Variants in FUT8 observed in about 807,000 individuals in gnomAD.
FUT8 encodes alpha-(1,6)-fucosyltransferase.
In FUT8, 29 loss-of-function variants were observed where a neutral mutation model predicts 71.3. The observed-to-expected ratio is 0.41, with a 90% CI of 0.30 to 0.55. The LOEUF (loss-of-function observed/expected upper bound fraction) is 0.55, where lower values mean the gene tolerates loss of function less well. Among genes scored for constraint, FUT8 ranks in the 20% least tolerant of loss-of-function variants. The probability of loss-of-function intolerance (pLI) is 0.34; values close to 1 mark genes in which losing one functional copy is unlikely to be tolerated. For missense variants in FUT8, 544 were observed against 702.1 expected (o/e 0.77, Z 2.55); for synonymous variants, 254 against 239.3 (o/e 1.06, Z -0.57).
chr14:65,567,598 A>G (rs1008939715), intron 3 of FUT8, among the ~76,000 whole-genome samples: 9 of 151,946 alleles, frequency 5.9e-5, no homozygotes, highest in African/African-American at 2.2e-4. Context: ...TGTGTACAGC[A>G]CCTGCCATCT....
chr14:65,633,165 C>T (rs1285881215), intron 6 of FUT8, among the ~76,000 whole-genome samples: 16 of 152,072 alleles, frequency 1.1e-4, no homozygotes, highest in East Asian at 9.7e-4. Context: ...ATTGCAGGCG[C>T]GCGCCGCCAC....
chr14:65,574,342 A>G lies in FUT8; in HGVS notation c.203+12576A>G, dbSNP rs533805426. ...TTGATTAGAGCAAATCACAGGTCCC[A>G]TTTACACTTGGGGAGGCGATTTTCC... On this transcript the variant is annotated intron_variant, in intron 3 of 10. Coordinates refer to ENST00000673929, the MANE Select transcript of FUT8 (RefSeq NM_001371533.1). This position sits in a 1 kb window ranked among gnomAD's most constrained non-coding sequence, Gnocchi z 5.2. Among the ~76,000 whole-genome samples, 11 of 152,282 alleles carry G rather than the reference A, an allele frequency of 7.2e-5. No homozygotes were observed. The highest frequency in any genetic ancestry group is 7.2e-4 in the Admixed American group (11 of 15,290).
the FUT8 span, among the ~76,000 whole-genome samples, chr14:65,404,619 C>T: frequency 6.6e-6 from 1 of 152,132 alleles, no homozygotes; most frequent in Admixed American, 6.5e-5. Context: ...GGATTACAGG[C>T]ATGTGCCACC....
the FUT8 span, among the ~76,000 whole-genome samples, chr14:65,380,649 AG>A: frequency 6.6e-6 from 1 of 152,146 alleles, no homozygotes; most frequent in Non-Finnish European, 1.5e-5. Context: ...TCCCACTTGA[AG>A]GGTCATCCCT....
Position 65,605,967 on chromosome 14 carries a change from A to C in FUT8, c.204-10011A>C, listed in dbSNP as rs925250771. On this transcript the variant is annotated intron_variant, in intron 3 of 10. Coordinates refer to ENST00000673929, the MANE Select transcript of FUT8 (RefSeq NM_001371533.1). ...TGCCTTTTTCTTACAGATTTGAAGGAGTTCTTTATAAAATCTATATAATAA... is the reference window on the plus strand; with the variant it reads ...TGCCTTTTTCTTACAGATTTGAAGGCGTTCTTTATAAAATCTATATAATAA... 2.0e-5 allele frequency among the ~76,000 whole-genome samples: 3 copies of C among 151,556 alleles called. 1 individual carries two copies. Among genetic ancestry groups the C allele is most frequent in the Admixed American group, 6.6e-5 (1 of 15,178 alleles).
At chr14:65,365,287 AAG>A in the FUT8 span, among the ~76,000 whole-genome samples, 389 of 151,124 alleles carry the variant, frequency 2.6e-3, no homozygotes, top group African/African-American at 8.8e-3. Context: ...CTAAAGAGCA[AAG>A]AGGGGCATGA....
At chr14:65,556,178 C>T (rs969779935) in intron 2 of FUT8, among the ~76,000 whole-genome samples, 1 of 152,036 alleles carries the variant, frequency 6.6e-6, no homozygotes, top group East Asian at 1.9e-4. Flanking sequence ...TTTAAAGCAA[C>T]AATTTATTAT....
chr14:65,438,204 T>G (rs2065590087), intron 1 of FUT8, among the ~76,000 whole-genome samples: 1 of 152,186 alleles, frequency 6.6e-6, no homozygotes, highest in Non-Finnish European at 1.5e-5. Context: ...AAGGAAAGTT[T>G]ACATTCACAT....
At chr14:65,600,557 TG>T (rs1888240133) in intron 3 of FUT8, among the ~76,000 whole-genome samples, 14 of 152,146 alleles carry the variant, frequency 9.2e-5, no homozygotes, top group Admixed American at 9.2e-4. Context: ...TAAGAGATGA[TG>T]ATGTCTCCAT....
At chr14:65,593,979 G>A (rs61987988) in intron 3 of FUT8, among the ~76,000 whole-genome samples, 8,879 of 152,310 alleles carry the variant, frequency 0.058, 310 homozygotes, top group Admixed American at 0.11. Context: ...CAAAGTGCTG[G>A]GATTACAGGC....
intron 7 of FUT8, among the ~76,000 whole-genome samples, chr14:65,673,654 T>C (rs1566888351): frequency 6.6e-6 from 1 of 152,210 alleles, no homozygotes; most frequent in South Asian, 2.1e-4. Context: ...TAGTAATTCA[T>C]TGTAAAGCTT....
intron 2 of FUT8, among the ~76,000 whole-genome samples, chr14:65,464,567 A>G (rs1384477095): frequency 6.6e-6 from 1 of 152,090 alleles, no homozygotes; most frequent in African/African-American, 2.4e-5. Context: ...TGTAATTATT[A>G]ACTGATGTAG....
At chr14:65,645,617 GATA>G (rs900202361) in intron 6 of FUT8, among the ~76,000 whole-genome samples, 8 of 152,100 alleles carry the variant, frequency 5.3e-5, no homozygotes, top group Admixed American at 3.9e-4. Flanking sequence ...CAGGATTTCA[GATA>G]ATTTTATTTT....
At chr14:65,412,559 T>C (rs140178109), upstream of FUT8, 33 of 350,490 alleles carry the variant, frequency 9.4e-5, no homozygotes, top group South Asian at 6.2e-5. Flanking sequence ...CGTCCCGCTG[T>C]GGCCCGCGGC....
the FUT8 span, among the ~76,000 whole-genome samples, chr14:65,391,940 G>C: frequency 6.6e-6 from 1 of 152,016 alleles, no homozygotes; most frequent in Non-Finnish European, 1.5e-5. Flanking sequence ...GTTTTGTTTT[G>C]TTTTGTTTTG....
chr14:65,589,441 C>CTTTT (rs35606286), intron 3 of FUT8, among the ~76,000 whole-genome samples: 1,108 of 109,862 alleles, frequency 0.01, 55 homozygotes, highest in East Asian at 0.075. Flanking sequence ...TGCCTTAAAT[C>CTTTT]TTTTTTTTTT....
At chr14:65,470,944 C>T (rs752470069) in intron 2 of FUT8, among the ~76,000 whole-genome samples, 37 of 151,964 alleles carry the variant, frequency 2.4e-4, no homozygotes, top group Non-Finnish European at 3.5e-4. Flanking sequence ...AAAGCCACCG[C>T]CATCACTATT....
chr14:65,730,771 T>TA (rs1442243797), intron 9 of FUT8, among the ~76,000 whole-genome samples: 1 of 152,222 alleles, frequency 6.6e-6, no homozygotes, highest in African/African-American at 2.4e-5. Context: ...AGTTCAGTAT[T>TA]ACAGTGTTTG....
At chr14:65,657,690 G>T (rs1170165343) in intron 6 of FUT8, among the ~76,000 whole-genome samples, 2 of 152,208 alleles carry the variant, frequency 1.3e-5, no homozygotes, top group African/African-American at 4.8e-5. Flanking sequence ...GGGTAGTTGT[G>T]GGGGCGGGTA....
Sources: gnomAD v4.1 joint callset for allele counts (sites outside exome capture counted in the v4.1 genomes callset) on GRCh38, gnomAD v4.1.1 for gene constraint, Gnocchi (gnomAD v3.1) non-coding constraint, MANE v1.5 for transcripts, NCBI Gene and HGNC (gene_info 2026-07-23, HGNC 2026-07-21) for gene names.